The following GPC5 variants were observed in gnomAD, a reference collection of about 807,000 sequenced individuals.
GPC5 encodes glypican-5.
A neutral mutation model predicts 53.9 loss-of-function variants in GPC5; 47 were observed. The ratio of observed to expected loss-of-function variants is 0.87; its 90% CI spans 0.69 to 1.11. The LOEUF is 1.11. Ranked by LOEUF, GPC5 falls within the 50% of genes most tolerant of loss-of-function variation. The probability of loss-of-function intolerance (pLI) is 0.00; values close to 1 mark genes in which losing one functional copy is unlikely to be tolerated. For missense variants in GPC5, 748 were observed against 713.1 expected (o/e 1.05, Z -0.56); for synonymous variants, 286 against 263.3 (o/e 1.09, Z -0.84).
At chr13:92,445,659 G>T (rs1242565747) in intron 7 of GPC5, among the ~76,000 whole-genome samples, 4 of 151,546 alleles carry the variant, frequency 2.6e-5, no homozygotes, top group Non-Finnish European at 4.4e-5. Flanking sequence ...CATTTTTTAT[G>T]GCTGCATAGT....
chr13:92,204,826 G>A (rs1047853493), intron 7 of GPC5, among the ~76,000 whole-genome samples: 104 of 152,280 alleles, frequency 6.8e-4, no homozygotes, highest in African/African-American at 2.5e-3. Flanking sequence ...AATCCAGGAA[G>A]CTCATAGGAG....
intron 5 of GPC5, among the ~76,000 whole-genome samples, chr13:91,841,606 A>G (rs2038788929): frequency 6.6e-6 from 1 of 152,126 alleles, no homozygotes; most frequent in East Asian, 1.9e-4. Context: ...TGGCCAATGA[A>G]TAACATTAAT....
chr13:92,743,743 A>G (rs1566396298), intron 7 of GPC5, among the ~76,000 whole-genome samples: 1 of 152,104 alleles, frequency 6.6e-6, no homozygotes, highest in Non-Finnish European at 1.5e-5. Flanking sequence ...AGCTCTTATT[A>G]TTTTGATATT....
At chr13:92,443,555 T>G (rs563089227) in intron 7 of GPC5, among the ~76,000 whole-genome samples, 1 of 152,284 alleles carries the variant, frequency 6.6e-6, no homozygotes, top group African/African-American at 2.4e-5. Context: ...AAAAAAACAA[T>G]TTTTGAGCTC....
chr13:92,520,172 A>G (rs1478172930), intron 7 of GPC5, among the ~76,000 whole-genome samples: 1 of 152,160 alleles, frequency 6.6e-6, no homozygotes, highest in Non-Finnish European at 1.5e-5. Context: ...AGAACCAGAC[A>G]GATTCACAGC....
chr13:92,842,019 G>A (rs568793011), intron 7 of GPC5, among the ~76,000 whole-genome samples: 1 of 152,088 alleles, frequency 6.6e-6, no homozygotes, highest in South Asian at 2.1e-4. Context: ...AAGTGGTCTT[G>A]GTCTTCCATT....
chr13:92,019,443 C>A (rs1326862891), intron 6 of GPC5, among the ~76,000 whole-genome samples: 2 of 151,878 alleles, frequency 1.3e-5, no homozygotes, highest in Non-Finnish European at 2.9e-5. Context: ...GGAAAATAAT[C>A]CAAATCTTAC....
chr13:92,136,902 C>A (rs2138970785), intron 6 of GPC5, among the ~76,000 whole-genome samples: 1 of 152,342 alleles, frequency 6.6e-6, no homozygotes, highest in African/African-American at 2.4e-5. Flanking sequence ...ATCAGATATT[C>A]TACCCACCAG....
At position 92,578,592 on chromosome 13, in the gene GPC5, A is replaced by G. The variant is rs140741539; in HGVS notation, c.1562-287690A>G. On this transcript the variant is annotated intron_variant, in intron 7 of 7. Coordinates refer to ENST00000377067, the MANE Select transcript of GPC5 (RefSeq NM_004466.6). ...TGGAGCTCTGTTGTCCGAGGGCTGG[A>G]GAAGCTCCCAACTCCAGAAGAGAGA... Among the ~76,000 whole-genome samples the G allele has an allele frequency of 2.0e-5, 3 of 152,264 alleles. No individual in the cohort carries two copies. In the East Asian group the frequency reaches 5.8e-4, roughly 29 times the overall value.
At chr13:91,799,386 C>T (rs1433106012) in intron 5 of GPC5, among the ~76,000 whole-genome samples, 1 of 152,142 alleles carries the variant, frequency 6.6e-6, no homozygotes, top group East Asian at 1.9e-4. Flanking sequence ...GGGTCTTATG[C>T]TGACCACTCG....
chr13:91,432,205 G>GCTGCTGCTGCTGCTGCTGC (rs140790450), intron 1 of GPC5, among the ~76,000 whole-genome samples: 14 of 119,622 alleles, frequency 1.2e-4, no homozygotes, highest in African/African-American at 4.7e-4. Context: ...TGCTGCTGCT[G>GCTGCTGCTGCTGCTGCTGC]TGTGTGTGTG....
chr13:92,612,512 GA>G (rs1378271967), intron 7 of GPC5, among the ~76,000 whole-genome samples: 9 of 152,024 alleles, frequency 5.9e-5, no homozygotes. Context: ...CTATTTCTGA[GA>G]AAAACTATAA....
chr13:91,762,339 G>A (rs575241742), intron 5 of GPC5, among the ~76,000 whole-genome samples: 1 of 150,170 alleles, frequency 6.7e-6, no homozygotes, highest in East Asian at 1.9e-4. Context: ...CCATTATCTA[G>A]CTGGAAAGCC....
chr13:91,539,253 T>G (rs745999628), intron 2 of GPC5, among the ~76,000 whole-genome samples: 10 of 152,180 alleles, frequency 6.6e-5, no homozygotes, highest in South Asian at 2.1e-4. Context: ...GATTTGTGTG[T>G]GGGGGGCAGT....
intron 6 of GPC5, among the ~76,000 whole-genome samples, chr13:91,932,565 A>G (rs372252770): frequency 6.6e-6 from 1 of 151,918 alleles, no homozygotes; most frequent in Non-Finnish European, 1.5e-5. Context: ...AGAGTTTCCA[A>G]TTTTCATTAC....
intron 7 of GPC5, among the ~76,000 whole-genome samples, chr13:92,350,548 C>T (rs948711218): frequency 2.0e-5 from 3 of 152,176 alleles, no homozygotes; most frequent in African/African-American, 4.8e-5. Context: ...GGAAGAATAG[C>T]GAGATTATGG....
At chr13:92,685,543 C>CATTTTTTTTTTTTTTT (rs1887238716) in intron 7 of GPC5, among the ~76,000 whole-genome samples, 2 of 65,030 alleles carry the variant, frequency 3.1e-5, no homozygotes, top group South Asian at 6.1e-4. Context: ...AAATTATGCT[C>CATTTTTTTTTTTTTTT]ATTTTTTTTT....
chr13:91,638,608 T>C (rs1354608231), intron 2 of GPC5, among the ~76,000 whole-genome samples: 1 of 152,112 alleles, frequency 6.6e-6, no homozygotes, highest in Non-Finnish European at 1.5e-5. Context: ...TCAAGTGATC[T>C]GCCCGCCTCA....
At chr13:92,475,312 T>C (rs1879069104) in intron 7 of GPC5, among the ~76,000 whole-genome samples, 1 of 147,800 alleles carries the variant, frequency 6.8e-6, no homozygotes, top group African/African-American at 2.5e-5. Context: ...ATTTTCACGA[T>C]ATTGATTCTT....
Sources: gnomAD v4.1 joint callset for allele counts (sites outside exome capture counted in the v4.1 genomes callset) on GRCh38, gnomAD v4.1.1 for gene constraint, MANE v1.5 for transcripts, NCBI Gene and HGNC (gene_info 2026-07-23, HGNC 2026-07-21) for gene names.